The following SHANK2 variants were observed in gnomAD, a reference collection of about 807,000 sequenced individuals.
The protein encoded by SHANK2 is SH3 and multiple ankyrin repeat domains protein 2.
A neutral mutation model predicts 133.7 loss-of-function variants in SHANK2; 43 were observed. The ratio of observed to expected loss-of-function variants is 0.32; its 90% CI spans 0.25 to 0.41. SHANK2 has a LOEUF of 0.41. SHANK2 is among the 10% of genes least tolerant of loss of function. The probability of loss-of-function intolerance (pLI) is 1.00; values close to 1 mark genes in which losing one functional copy is unlikely to be tolerated. For synonymous variants in SHANK2, 1,017 were observed against 952.8 expected, an observed-to-expected ratio of 1.07 and a Z score of -1.24; for missense variants, 1,994 against 2,235.8, an observed-to-expected ratio of 0.89 and a Z score of 2.18.
At chr11:71,177,649 C>T (rs1555113280) in intron 2 of SHANK2, among the ~76,000 whole-genome samples, 1 of 152,102 alleles carries the variant, frequency 6.6e-6, no homozygotes, top group African/African-American at 2.4e-5. Flanking sequence ...AGTAAGATGA[C>T]AGATTTAAAT....
chr11:70,563,012 C>T (rs904517950), intron 17 of SHANK2, among the ~76,000 whole-genome samples: 1 of 152,252 alleles, frequency 6.6e-6, no homozygotes, highest in African/African-American at 2.4e-5. Context: ...GCTGGGATTA[C>T]AGGCACCCAC....
chr11:70,724,448 A>G (rs1218896851), intron 14 of SHANK2, among the ~76,000 whole-genome samples: 2 of 152,144 alleles, frequency 1.3e-5, no homozygotes, highest in Non-Finnish European at 2.9e-5. Context: ...AGGTGTAAAA[A>G]TGTCTCCAAG....
intron 14 of SHANK2, among the ~76,000 whole-genome samples, chr11:70,797,362 A>G (rs1275386736): frequency 6.6e-6 from 1 of 152,226 alleles, no homozygotes; most frequent in East Asian, 1.9e-4. Context: ...TCTTAACTCA[A>G]TACCCCACAA....
rs1014801856 is a variant in SHANK2 at position 70,651,396 on chromosome 11, A to G, written c.2061+8432T>C. Among the ~76,000 whole-genome samples the G allele has an allele frequency of 2.2e-4, 34 of 152,114 alleles. 1 individual carries two copies. The highest frequency in any genetic ancestry group is 8.0e-4 in the African/African-American group (33 of 41,416). ...AACCACCTGTTCCCAGTCAATATGG[A>G]GGACAAAGAGAACGACCTCCCCAGG... On this transcript the variant is annotated intron_variant, in intron 17 of 25. Transcript: ENST00000601538.
intron 10 of SHANK2, among the ~76,000 whole-genome samples, chr11:70,927,474 C>A (rs1266556127): frequency 3.9e-5 from 6 of 151,912 alleles, no homozygotes; most frequent in Non-Finnish European, 8.8e-5. Flanking sequence ...ACTGATGGGG[C>A]CCGACATGGG....
intron 10 of SHANK2, among the ~76,000 whole-genome samples, chr11:70,907,371 T>C (rs1183829664): frequency 6.6e-6 from 1 of 152,146 alleles, no homozygotes; most frequent in Non-Finnish European, 1.5e-5. Flanking sequence ...CAGATTTCAC[T>C]CAGGTAGCAC....
intron 14 of SHANK2, among the ~76,000 whole-genome samples, chr11:70,745,542 T>C (rs1946621133): frequency 6.6e-6 from 1 of 152,232 alleles, no homozygotes; most frequent in South Asian, 2.1e-4. Context: ...GTCCTGCCAC[T>C]GTGGTGACTA....
At chr11:71,189,961 C>T (rs73537495) in intron 2 of SHANK2, among the ~76,000 whole-genome samples, 8 of 152,336 alleles carry the variant, frequency 5.3e-5, no homozygotes, top group East Asian at 1.9e-4. Context: ...CTGAGCACTC[C>T]GAGCACGAGG....
intron 3 of SHANK2, among the ~76,000 whole-genome samples, chr11:71,138,315 A>G (rs1391662361): frequency 6.6e-6 from 1 of 152,198 alleles, no homozygotes. Context: ...AGGGGAAGAT[A>G]GGCTCAGACG....
At chr11:70,544,654 A>AC (rs1240009252) in intron 17 of SHANK2, among the ~76,000 whole-genome samples, 1 of 152,128 alleles carries the variant, frequency 6.6e-6, no homozygotes, top group Non-Finnish European at 1.5e-5. Context: ...TGGACTTGGG[A>AC]CCAGGAGCGG....
intron 21 of SHANK2, among the ~76,000 whole-genome samples, chr11:70,494,587 C>T (rs923044208): frequency 1.3e-5 from 2 of 152,218 alleles, no homozygotes; most frequent in Non-Finnish European, 2.9e-5. Context: ...AGCCACCACA[C>T]CCAGCCATAC....
intron 11 of SHANK2, among the ~76,000 whole-genome samples, chr11:70,854,914 A>G (rs956939308): frequency 6.6e-6 from 1 of 152,184 alleles, no homozygotes; most frequent in Non-Finnish European, 1.5e-5. Flanking sequence ...AGTGAACAGC[A>G]AGAGCTGTAC....
intron 9 of SHANK2, among the ~76,000 whole-genome samples, chr11:71,067,554 G>A (rs1951081204): frequency 6.6e-6 from 1 of 152,174 alleles, no homozygotes; most frequent in Non-Finnish European, 1.5e-5. Flanking sequence ...TAATCATAGT[G>A]TATTTTATTA....
intron 14 of SHANK2, among the ~76,000 whole-genome samples, chr11:70,741,183 CCATGCATT>C (rs59758517): frequency 0.33 from 49,502 of 151,336 alleles, 8,399 homozygotes; most frequent in Non-Finnish European, 0.36. Flanking sequence ...ATCCATCCAT[CCATGCATT>C]CAACCACCCA....
At position 71,132,469 on chromosome 11, in the gene SHANK2, C is replaced by T. The variant is rs146561991; in HGVS notation, c.208-13437G>A. Among the ~76,000 whole-genome samples, 6 of 152,246 alleles carry T rather than the reference C, an allele frequency of 3.9e-5. No individual in the cohort carries two copies. The East Asian group carries it at 1.2e-3, about 29-fold the overall frequency. ...CTACAGAACTTGTAGTAATTCCAGA[C>T]CAAAGTCACTTTTCCCGTACATTGT... is the stretch of plus-strand genomic sequence containing the variant. On this transcript the variant is annotated intron_variant, in intron 3 of 25. Coordinates refer to ENST00000601538, the MANE Select transcript of SHANK2 (RefSeq NM_012309.5).
At chr11:70,690,291 G>GGAAAAACAAAA (rs1327616389) in intron 15 of SHANK2, among the ~76,000 whole-genome samples, 2 of 151,776 alleles carry the variant, frequency 1.3e-5, no homozygotes, top group Admixed American at 6.6e-5. Flanking sequence ...AGAAACTCCA[G>GGAAAAACAAAA]GAAAAACAAA....
At chr11:70,842,305 G>C (rs1948919888) in intron 11 of SHANK2, among the ~76,000 whole-genome samples, 1 of 152,160 alleles carries the variant, frequency 6.6e-6, no homozygotes, top group Non-Finnish European at 1.5e-5. Context: ...ACACTCCAGG[G>C]AATAAAGCAT....
rs1484789073 is a variant in SHANK2, at chr11:70,642,268, C to T, written c.2061+17560G>A. ...AGGCTGCCTTTGAGATAAATTTTCTCGCCTAAAAATGCCCATGGGTCTTAA... is the reference window on the plus strand; with the variant it reads ...AGGCTGCCTTTGAGATAAATTTTCTTGCCTAAAAATGCCCATGGGTCTTAA... On this transcript the variant is annotated intron_variant, in intron 17 of 25. Coordinates refer to ENST00000601538, the MANE Select transcript of SHANK2 (RefSeq NM_012309.5). Among the ~76,000 whole-genome samples the T allele has an allele frequency of 2.7e-5, 4 of 150,306 alleles. No individual in the cohort carries two copies. In the East Asian group the frequency reaches 7.9e-4, roughly 30 times the overall value.
intron 3 of SHANK2, among the ~76,000 whole-genome samples, chr11:71,131,113 G>A (rs1293705644): frequency 1.3e-5 from 2 of 152,212 alleles, no homozygotes; most frequent in Non-Finnish European, 2.9e-5. Context: ...CGTGCAATCC[G>A]TGTACTTGCA....
Sources: allele counts gnomAD v4.1 joint callset (sites outside exome capture counted in the v4.1 genomes callset), GRCh38; gene constraint gnomAD v4.1.1; transcripts MANE v1.5; gene names NCBI Gene and HGNC (gene_info 2026-07-23, HGNC 2026-07-21).